LEP: variants seen among roughly 807,000 people sequenced by gnomAD.
LEP encodes the protein leptin, also known as leptin (murine obesity homolog).
A neutral mutation model predicts 9.8 loss-of-function variants in LEP; 6 were observed. The observed-to-expected ratio is 0.61, with a 90% confidence interval of 0.34 to 1.21. LEP has a LOEUF of 1.21. Ranked by LOEUF, LEP falls within the 50% of genes most tolerant of loss-of-function variation. The probability of loss-of-function intolerance (pLI) is 0.04; values close to 1 mark genes in which losing one functional copy is unlikely to be tolerated. For synonymous variants in LEP, 112 were observed against 81.7 expected, an observed-to-expected ratio of 1.37 and a Z score of -2.00; for missense variants, 134 against 198.1, an observed-to-expected ratio of 0.68 and a Z score of 1.94.
chr7:128,248,465 TG>T (rs898193104), intron 1 of LEP, among the ~76,000 whole-genome samples: 2 of 150,276 alleles, frequency 1.3e-5, no homozygotes, highest in African/African-American at 4.9e-5. Context: ...CCAGGCTGGG[TG>T]GTGCATGCCC....
intron 1 of LEP, among the ~76,000 whole-genome samples, chr7:128,243,822 G>A (rs182792491): frequency 6.6e-6 from 1 of 152,300 alleles, no homozygotes; most frequent in Admixed American, 6.5e-5. Flanking sequence ...AAGCCCTGCC[G>A]TGTTCCAGGC....
chr7:128,251,040 A>G (rs1466807375), intron 1 of LEP, among the ~76,000 whole-genome samples: 4 of 152,138 alleles, frequency 2.6e-5, no homozygotes, highest in Non-Finnish European at 5.9e-5. Flanking sequence ...TCCCGCCACC[A>G]TGTCTTTATA....
rs1253750416 is a variant in LEP, at chr7:128,255,247, T to C, written c.*484T>C. ...CCCAGCAACACAAGCTGGAAGCACA[T>C]GTTTATTTATTCTGCATTTTATTCT... On this transcript the variant is annotated 3_prime_UTR_variant, in exon 3 of 3. Transcript: ENST00000308868. The C allele has an allele frequency of 2.3e-5, 4 of 173,400 alleles. No homozygotes were observed. In the East Asian group the frequency reaches 5.7e-4, roughly 25 times the overall value. The allele number at this position is 173,400 out of a possible 1,614,324, so 10.7% of individuals were successfully genotyped here. A position where few individuals can be genotyped will look rare whatever the true frequency, so the allele number is the denominator to read the frequency against.
At chr7:128,251,690 T>A (rs1413477677) in intron 1 of LEP, among the ~76,000 whole-genome samples, 4 of 152,228 alleles carry the variant, frequency 2.6e-5, no homozygotes, top group African/African-American at 9.6e-5. Flanking sequence ...CCCTCGAGCA[T>A]GCAATGAAGT....
At position 128,254,398 on chromosome 7, in the gene LEP, G is replaced by A; in HGVS notation, c.145-6G>A. The A allele has an allele frequency of 6.2e-7, 1 of 1,612,572 alleles. No individual in the cohort carries two copies. ...AGCACTTGTTCTCCCTCTTCCTCCT[G>A]CATAGCAGTCAGTCTCCTCCAAACA... On this transcript the variant is annotated splice_polypyrimidine_tract_variant and splice_region_variant and intron_variant, in intron 2 of 2. Transcript: ENST00000308868.
chr7:128,254,960 C>G lies in LEP; in HGVS notation c.*197C>G, dbSNP rs199893150. The G allele has an allele frequency of 1.6e-6, 1 of 636,290 alleles. No homozygotes were observed. The highest frequency in any genetic ancestry group is 1.8e-5 in the African/African-American group (1 of 54,948). 39.4% of individuals were successfully genotyped at this position (636,290 alleles called of 1,614,324 possible). A position where few individuals can be genotyped will look rare whatever the true frequency, so the allele number is the denominator to read the frequency against. The stretch of plus-strand genomic sequence containing the variant: ...TTGCTTGAAACCAAAGATATATACA[C>G]AGGATCCTATTCTCACCAGGAAGGG... On this transcript the variant is annotated 3_prime_UTR_variant, in exon 3 of 3. Transcript: ENST00000308868.
chr7:128,243,207 T>C (rs1241414593), intron 1 of LEP, among the ~76,000 whole-genome samples: 1 of 152,254 alleles, frequency 6.6e-6, no homozygotes, highest in Non-Finnish European at 1.5e-5. Context: ...ATGTGCCTCG[T>C]TGCTTAGCAG....
rs775557183 is a variant in LEP at position 128,254,430 on chromosome 7, C to T, written c.171C>T (p.Val57=). 1 of 1,613,828 alleles carries T rather than the reference C, an allele frequency of 6.2e-7. No homozygotes were observed. The highest frequency in any genetic ancestry group is 8.5e-7 in the Non-Finnish European group (1 of 1,180,000). Residue 57 remains valine (V), a synonymous_variant, in exon 3 of 3, where the codon GTC becomes GTT. Transcript: ENST00000308868. ...HTQSVSSKQK[V]TGLDFIPGLH... is the part of the protein sequence containing the mutation. Reference sequence around the variant, plus strand: ...AGTCAGTCTCCTCCAAACAGAAAGTCACCGGTTTGGACTTCATTCCTGGGC... The same window carrying T: ...AGTCAGTCTCCTCCAAACAGAAAGTTACCGGTTTGGACTTCATTCCTGGGC...
At position 128,257,530 on chromosome 7, in the gene LEP, C is replaced by T. The variant is rs1795356547; in HGVS notation, c.*2767C>T. On this transcript the variant is annotated 3_prime_UTR_variant, in exon 3 of 3. Coordinates refer to ENST00000308868, the MANE Select transcript of LEP (RefSeq NM_000230.3). ...AGTACAGTGAGCCAAGATCGCGCCACTGCACTCCGGCCTGATGACAGAGCG... is the reference window on the plus strand; with the variant it reads ...AGTACAGTGAGCCAAGATCGCGCCATTGCACTCCGGCCTGATGACAGAGCG... 6.7e-6 allele frequency: 1 copy of T among 149,732 alleles called. No individual in the cohort carries two copies. 9.3% of individuals were successfully genotyped at this position (149,732 alleles called of 1,614,324 possible).
At chr7:128,251,953 A>ACCG in intron 1 of LEP, 38 bp from the exon 2 acceptor site, 1 of 1,541,124 alleles carries the variant, frequency 6.5e-7, no homozygotes. Flanking sequence ...ATTCTGAGAT[A>ACCG]CCGGCTCCTT....
intron 1 of LEP, among the ~76,000 whole-genome samples, chr7:128,247,181 C>G (rs528417186): frequency 6.6e-6 from 1 of 152,194 alleles, no homozygotes; most frequent in Non-Finnish European, 1.5e-5. Context: ...GACAGCTGAT[C>G]GCGGCCTTTC....
chr7:128,252,758 C>T (rs1201857359), intron 2 of LEP, among the ~76,000 whole-genome samples: 1 of 151,162 alleles, frequency 6.6e-6, no homozygotes, highest in Non-Finnish European at 1.5e-5. Context: ...AAATAAAAGT[C>T]ATAGGATTTG....
At chr7:128,253,035 CCTGTCCCCT>C (rs1688046084) in intron 2 of LEP, among the ~76,000 whole-genome samples, 1 of 152,184 alleles carries the variant, frequency 6.6e-6, no homozygotes, top group Non-Finnish European at 1.5e-5. Context: ...CTCTTTCCTT[CCTGTCCCCT>C]CTGTCCCCAC....
At chr7:128,247,706 G>GATAT (rs1465251375) in intron 1 of LEP, among the ~76,000 whole-genome samples, 1 of 152,200 alleles carries the variant, frequency 6.6e-6, no homozygotes, top group African/African-American at 2.4e-5. Context: ...AAATAATGGT[G>GATAT]ATAACAGCTA....
chr7:128,245,693 T>G (rs552905919), intron 1 of LEP, among the ~76,000 whole-genome samples: 1 of 152,200 alleles, frequency 6.6e-6, no homozygotes, highest in South Asian at 2.1e-4. Context: ...ACTCGCTTTG[T>G]TCTCCCCATT....
intron 2 of LEP, among the ~76,000 whole-genome samples, chr7:128,252,932 T>C (rs1200470448): frequency 1.3e-5 from 2 of 152,018 alleles, no homozygotes; most frequent in Non-Finnish European, 2.9e-5. Flanking sequence ...AATCATAGGA[T>C]TCTCATGAGG....
intron 1 of LEP, among the ~76,000 whole-genome samples, chr7:128,245,152 C>T (rs1328284739): frequency 1.3e-5 from 2 of 152,156 alleles, no homozygotes; most frequent in Non-Finnish European, 2.9e-5. Context: ...TCTCCAGCCT[C>T]ACACACTCCA....
chr7:128,251,018 T>C (rs1012092147), intron 1 of LEP, among the ~76,000 whole-genome samples: 5 of 152,350 alleles, frequency 3.3e-5, no homozygotes, highest in Admixed American at 3.3e-4. Flanking sequence ...TGGGTGAATG[T>C]GTTATGCTCT....
chr7:128,246,086 AT>A (rs1795207698), intron 1 of LEP, among the ~76,000 whole-genome samples: 2 of 152,188 alleles, frequency 1.3e-5, no homozygotes, highest in Admixed American at 1.3e-4. Context: ...AAATAAAAAA[AT>A]AAAAAAATAA....
Sources: allele counts gnomAD v4.1 joint callset (sites outside exome capture counted in the v4.1 genomes callset), GRCh38; gene constraint gnomAD v4.1.1; transcripts MANE v1.5; gene names NCBI Gene and HGNC (gene_info 2026-07-23, HGNC 2026-07-21).